Variants in C17orf67 observed in about 807,000 individuals in gnomAD.
C17orf67 encodes chromosome 17 open reading frame 67, also known as uncharacterized protein C17orf67.
C17orf67 carries 12 observed loss-of-function variants against 11.2 expected under a neutral mutation model. The observed-to-expected ratio is 1.07, with a 90% CI of 0.68 to 1.73. The LOEUF is 1.73. Among genes scored for constraint, C17orf67 ranks in the 40% most tolerant of loss-of-function variants. C17orf67 has a pLI of 0.00. For synonymous variants in C17orf67, 59 were observed against 46.9 expected, an observed-to-expected ratio of 1.26 and a Z score of -1.05; for missense variants, 115 against 113.5, an observed-to-expected ratio of 1.01 and a Z score of -0.06.
At chr17:56,797,428 C>T (rs1905233441) in intron 6 of C17orf67, among the ~76,000 whole-genome samples, 1 of 152,022 alleles carries the variant, frequency 6.6e-6, no homozygotes, top group Non-Finnish European at 1.5e-5. Flanking sequence ...CTCCTCTTCC[C>T]CTCAATATCC....
chr17:56,816,839 TTTGGTTTGGC>T (rs1905772395), intron 4 of C17orf67, among the ~76,000 whole-genome samples: 2 of 152,144 alleles, frequency 1.3e-5, no homozygotes, highest in South Asian at 4.1e-4. Context: ...TTTGTTTTGG[TTTGGTTTGGC>T]TTGGTTTGGT....
At chr17:56,817,069 T>C (rs906645093) in intron 4 of C17orf67, among the ~76,000 whole-genome samples, 8 of 152,052 alleles carry the variant, frequency 5.3e-5, no homozygotes, top group African/African-American at 1.9e-4. Context: ...TTGACCAGGT[T>C]GGTTTCAAAC....
At position 56,816,019 on chromosome 17, in the gene C17orf67, G is replaced by A. The variant is rs1359127245; in HGVS notation, c.-200-9C>T. 2 of 989,242 alleles carry A rather than the reference G, an allele frequency of 2.0e-6. No individual in the cohort carries two copies. The highest frequency in any genetic ancestry group is 3.2e-5 in the African/African-American group (2 of 62,148). The allele number at this position is 989,242 out of a possible 1,614,324, so 61.3% of individuals were successfully genotyped here. On this transcript the variant is annotated splice_polypyrimidine_tract_variant and intron_variant, in intron 4 of 7. Coordinates refer to ENST00000397861, the MANE Select transcript of C17orf67 (RefSeq NM_001085430.4). The stretch of plus-strand genomic sequence containing the variant: ...TCCTGTAAATTTTCATCCTGAGGAA[G>A]GAAATTGTTCCTCTGTAATATGACT...
At chr17:56,817,266 C>G (rs963806090) in intron 4 of C17orf67, among the ~76,000 whole-genome samples, 1 of 152,154 alleles carries the variant, frequency 6.6e-6, no homozygotes, top group African/African-American at 2.4e-5. Context: ...ACTTTGCCAG[C>G]TCAAAAGAAA....
intron 2 of C17orf67, among the ~76,000 whole-genome samples, chr17:56,830,879 TGGGCAACG>T (rs1180739711): frequency 6.6e-6 from 1 of 152,144 alleles, no homozygotes; most frequent in East Asian, 1.9e-4. Context: ...AGGGAGCACC[TGGGCAACG>T]AAGACATAGG....
chr17:56,828,853 CAAA>C (rs11346468), intron 2 of C17orf67, among the ~76,000 whole-genome samples: 10 of 123,046 alleles, frequency 8.1e-5, no homozygotes, highest in Non-Finnish European at 7.0e-5. Flanking sequence ...ACAGTGATGA[CAAA>C]AAAAAAAAAA....
chr17:56,814,871 G>C lies in C17orf67; in HGVS notation c.154C>G (p.Arg52Gly), dbSNP rs758412594. Reference sequence around the variant, plus strand: ...AACTGCCAGAGCAAAGCACTCACCCGCATTGGCTCATCGGGGAATCCGGGT... The same window carrying C: ...AACTGCCAGAGCAAAGCACTCACCCCCATTGGCTCATCGGGGAATCCGGGT... ...SKPGFPDEPMREYMHHLLALE... is the reference protein window; with the variant it reads ...SKPGFPDEPMGEYMHHLLALE... The change falls in exon 6 of 8, where the codon CGG (arginine) becomes GGG (glycine). Residue 52 changes from arginine (R) to glycine (G), a missense_variant and splice_region_variant. Coordinates refer to ENST00000397861, the MANE Select transcript of C17orf67 (RefSeq NM_001085430.4). 8 of 1,613,402 alleles carry C rather than the reference G, an allele frequency of 5.0e-6. No individual in the cohort carries two copies. The highest frequency in any genetic ancestry group is 2.7e-5 in the African/African-American group (2 of 74,890).
At chr17:56,830,770 A>T (rs12103557) in intron 2 of C17orf67, among the ~76,000 whole-genome samples, 101,080 of 152,168 alleles carry the variant, frequency 0.66, 33,836 homozygotes, top group East Asian at 0.89. Flanking sequence ...TTATTTATCA[A>T]GTATGAATGG....
At chr17:56,805,401 C>T (rs1447950098) in intron 6 of C17orf67, among the ~76,000 whole-genome samples, 2 of 152,110 alleles carry the variant, frequency 1.3e-5, no homozygotes, top group Non-Finnish European at 2.9e-5. Context: ...TATACAAAAC[C>T]CTACACGTCA....
chr17:56,824,495 C>G (rs1013110818), intron 4 of C17orf67, among the ~76,000 whole-genome samples: 1 of 152,244 alleles, frequency 6.6e-6, no homozygotes, highest in Non-Finnish European at 1.5e-5. Flanking sequence ...TGTCCCCATT[C>G]CCACACCCCA....
At chr17:56,833,481 G>A (rs1303261333) in intron 1 of C17orf67, 137 bp downstream of exon 1, 1 of 151,070 alleles carries the variant, frequency 6.6e-6, no homozygotes, top group African/African-American at 2.4e-5. Context: ...CACGGCAGGG[G>A]GCGGAAACCG....
intron 4 of C17orf67, among the ~76,000 whole-genome samples, chr17:56,818,452 G>C (rs946403989): frequency 1.3e-5 from 2 of 152,078 alleles, no homozygotes; most frequent in Admixed American, 6.6e-5. Context: ...TTGAGCCCGG[G>C]AGTTCAAGCC....
chr17:56,793,734 C>T (rs961554651), intron 7 of C17orf67, among the ~76,000 whole-genome samples: 1 of 152,212 alleles, frequency 6.6e-6, no homozygotes, highest in Admixed American at 6.5e-5. Flanking sequence ...CTCCACAGTG[C>T]TGTTTTCTGG....
chr17:56,814,175 GGCTTC>G (rs1330008951), intron 6 of C17orf67, among the ~76,000 whole-genome samples: 2 of 152,166 alleles, frequency 1.3e-5, no homozygotes, highest in African/African-American at 4.8e-5. Context: ...CTGACAGACA[GGCTTC>G]CCAGACATTC....
At chr17:56,831,637 G>A (rs1906205324) in intron 2 of C17orf67, among the ~76,000 whole-genome samples, 1 of 152,096 alleles carries the variant, frequency 6.6e-6, no homozygotes, top group African/African-American at 2.4e-5. Flanking sequence ...CCCTCCTCAG[G>A]TCTCCCAGTA....
rs185945372 is a variant in C17orf67, at chr17:56,822,274, T to C, written c.-201+2465A>G. Among the ~76,000 whole-genome samples, 304 of 152,356 alleles carry C rather than the reference T, an allele frequency of 2.0e-3. 1 individual carries two copies. Among genetic ancestry groups the C allele is most frequent in the African/African-American group, 6.7e-3 (279 of 41,582 alleles). ...AATCTGGGTGCTATTGCATCTAAGT[T>C]AATAATAGGCTCCTGCCAGAACATT... On this transcript the variant is annotated intron_variant, in intron 4 of 7. Coordinates refer to ENST00000397861, the MANE Select transcript of C17orf67 (RefSeq NM_001085430.4).
At chr17:56,830,119 G>A (rs946946829) in intron 2 of C17orf67, among the ~76,000 whole-genome samples, 2 of 151,880 alleles carry the variant, frequency 1.3e-5, no homozygotes, top group South Asian at 4.1e-4. Context: ...TGAGGCAGGC[G>A]GATCATGAGG....
intron 7 of C17orf67, among the ~76,000 whole-genome samples, chr17:56,792,606 T>C (rs1019228716): frequency 2.0e-4 from 13 of 65,182 alleles, no homozygotes; most frequent in African/African-American, 5.6e-4. Context: ...ATGATGGTTA[T>C]GGTGGTGGTG....
At chr17:56,793,404 T>G (rs1905154188) in intron 7 of C17orf67, among the ~76,000 whole-genome samples, 1 of 152,096 alleles carries the variant, frequency 6.6e-6, no homozygotes, top group East Asian at 1.9e-4. Context: ...AACCCTGTGT[T>G]TGCAGGAGCT....
Sources: allele counts gnomAD v4.1 joint callset (sites outside exome capture counted in the v4.1 genomes callset), GRCh38; gene constraint gnomAD v4.1.1; transcripts MANE v1.5; gene names NCBI Gene and HGNC (gene_info 2026-07-23, HGNC 2026-07-21).